CATSPER3: variants seen among roughly 807,000 people sequenced by gnomAD.
CATSPER3 encodes cation channel sperm associated 3.
CATSPER3 carries 23 observed loss-of-function variants against 36.6 expected under a neutral mutation model. The ratio of observed to expected loss-of-function variants is 0.63; its 90% CI spans 0.45 to 0.89. The LOEUF is 0.89. Ranked by LOEUF, CATSPER3 falls within the 40% of genes least tolerant of loss-of-function variation. The pLI, the probability that CATSPER3 is intolerant of heterozygous loss-of-function variation, is 0.00. For synonymous variants in CATSPER3, 172 were observed against 184.1 expected (o/e 0.93, Z 0.53); for missense variants, 474 against 503.9 (o/e 0.94, Z 0.57).
At chr5:134,973,120 T>G (rs2149545260) in intron 2 of CATSPER3, among the ~76,000 whole-genome samples, 1 of 152,340 alleles carries the variant, frequency 6.6e-6, no homozygotes, top group East Asian at 1.9e-4. Flanking sequence ...GAGCCCTTCC[T>G]TAGTAATTTA....
At chr5:134,984,474 A>G (rs1392473269) in intron 2 of CATSPER3, among the ~76,000 whole-genome samples, 2 of 152,220 alleles carry the variant, frequency 1.3e-5, no homozygotes, top group African/African-American at 4.8e-5. Flanking sequence ...ATAGACTTTT[A>G]TCAAAAGAAG....
intron 2 of CATSPER3, among the ~76,000 whole-genome samples, chr5:134,971,274 A>T (rs1248777775): frequency 6.6e-6 from 1 of 151,832 alleles, no homozygotes; most frequent in African/African-American, 2.4e-5. Flanking sequence ...AAAAAAAAAA[A>T]GTTGGGCATG....
At chr5:134,971,724 C>G (rs1307380462) in intron 2 of CATSPER3, among the ~76,000 whole-genome samples, 3 of 152,032 alleles carry the variant, frequency 2.0e-5, no homozygotes, top group Admixed American at 2.0e-4. Context: ...CAAAGCTGAC[C>G]AGCTAGAGGT....
At chr5:134,974,783 T>A (rs1751648398) in intron 2 of CATSPER3, among the ~76,000 whole-genome samples, 2 of 152,174 alleles carry the variant, frequency 1.3e-5, no homozygotes, top group African/African-American at 4.8e-5. Context: ...TGTGAACATG[T>A]TGGTATGGCA....
chr5:134,998,652 G>A (rs1209155599), intron 3 of CATSPER3, among the ~76,000 whole-genome samples: 1 of 152,142 alleles, frequency 6.6e-6, no homozygotes, highest in Non-Finnish European at 1.5e-5. Context: ...GTTTTGATTT[G>A]CATTTCTCTG....
At chr5:135,000,872 C>A (rs1013109584) in intron 3 of CATSPER3, among the ~76,000 whole-genome samples, 3 of 152,196 alleles carry the variant, frequency 2.0e-5, no homozygotes, top group African/African-American at 7.2e-5. Context: ...AAAAAACCAG[C>A]TCCTGGATTC....
intron 2 of CATSPER3, among the ~76,000 whole-genome samples, chr5:134,985,548 TC>T (rs1449800447): frequency 6.6e-6 from 1 of 151,972 alleles, no homozygotes; most frequent in Non-Finnish European, 1.5e-5. Flanking sequence ...TAATAGGTAG[TC>T]TAAAGTCCCA....
At chr5:135,005,453 A>T (rs1265039711) in intron 3 of CATSPER3, among the ~76,000 whole-genome samples, 1 of 152,058 alleles carries the variant, frequency 6.6e-6, no homozygotes, top group African/African-American at 2.4e-5. Flanking sequence ...TAGCCTTGGG[A>T]TGTCATGGGA....
Position 134,996,277 on chromosome 5 carries a change from C to T in CATSPER3, c.257C>T (p.Ser86Leu), listed in dbSNP as rs938076610. 1.2e-5 allele frequency: 19 copies of T among 1,614,110 alleles called. No individual in the cohort carries two copies. The highest frequency in any genetic ancestry group is 4.0e-5 in the African/African-American group (3 of 74,956). The change falls in exon 3 of 8, where the codon TCG (serine) becomes TTG (leucine). Residue 86 changes from serine (S) to leucine (L), a missense_variant. Coordinates refer to ENST00000282611, the MANE Select transcript of CATSPER3 (RefSeq NM_178019.3). The part of the protein sequence containing the change: ...RYRLFRLLEF[S>L]EIFFVSICTS... ...CAACCCTTGCTACCCCTGTAGTTCT[C>T]GGAGATCTTCTTTGTGTCCATCTGC...
At chr5:135,009,116 C>T (rs1752144132) in intron 5 of CATSPER3, 135 bp downstream of exon 5, 2 of 1,239,330 alleles carry the variant, frequency 1.6e-6, no homozygotes, top group Non-Finnish European at 2.4e-6. Context: ...GCCAGATGGA[C>T]CTGTCCCTCA....
At chr5:134,983,095 G>A (rs946729721) in intron 2 of CATSPER3, among the ~76,000 whole-genome samples, 4 of 152,140 alleles carry the variant, frequency 2.6e-5, no homozygotes, top group East Asian at 1.9e-4. Context: ...AAATGGCACA[G>A]TACAAAAAAA....
chr5:134,996,173 G>A, intron 2 of CATSPER3, 100 bp from the exon 3 acceptor site: 1 of 1,469,676 alleles, frequency 6.8e-7, no homozygotes, highest in South Asian at 1.1e-5. Context: ...TCATGTGGGT[G>A]ACTTAGGAGC....
At position 134,983,465 on chromosome 5, in the gene CATSPER3, C is replaced by T. The variant is rs531456017; in HGVS notation, c.253-12808C>T. On this transcript the variant is annotated intron_variant, in intron 2 of 7. Transcript: ENST00000282611. ...CATGAGAATTGCTAGAACTCGGTGGCGGAGGTTGCAGTGAGCTGAAATTGC... is the reference window on the plus strand; with the variant it reads ...CATGAGAATTGCTAGAACTCGGTGGTGGAGGTTGCAGTGAGCTGAAATTGC... 7.9e-5 allele frequency among the ~76,000 whole-genome samples: 12 copies of T among 152,078 alleles called. No individual in the cohort carries two copies. The East Asian group carries it at 1.2e-3, about 15-fold the overall frequency.
At chr5:134,984,329 T>C (rs1751783454) in intron 2 of CATSPER3, among the ~76,000 whole-genome samples, 1 of 152,106 alleles carries the variant, frequency 6.6e-6, no homozygotes, top group African/African-American at 2.4e-5. Flanking sequence ...TCAGAGTAAG[T>C]AGACAACATA....
At chr5:135,003,694 A>G (rs193000431) in intron 3 of CATSPER3, among the ~76,000 whole-genome samples, 2 of 152,326 alleles carry the variant, frequency 1.3e-5, no homozygotes, top group Non-Finnish European at 2.9e-5. Context: ...TTGCAGTTCA[A>G]TCTCAGACTG....
chr5:134,998,326 G>A (rs908591794), intron 3 of CATSPER3, among the ~76,000 whole-genome samples: 12 of 152,108 alleles, frequency 7.9e-5, no homozygotes, highest in African/African-American at 2.9e-4. Flanking sequence ...TCATTGATGG[G>A]CATTCGGGTT....
At chr5:135,009,773 A>G (rs991201402) in intron 6 of CATSPER3, among the ~76,000 whole-genome samples, 5 of 152,150 alleles carry the variant, frequency 3.3e-5, no homozygotes, top group African/African-American at 1.2e-4. Flanking sequence ...GGGCCAGGCA[A>G]TCTGTGCTGA....
intron 3 of CATSPER3, among the ~76,000 whole-genome samples, chr5:135,007,270 C>T (rs1752100409): frequency 6.6e-6 from 1 of 152,190 alleles, no homozygotes; most frequent in Admixed American, 6.5e-5. Flanking sequence ...ATGATAACAC[C>T]TACCTACCTT....
Position 134,989,088 on chromosome 5 carries a change from G to A in CATSPER3, c.253-7185G>A, listed in dbSNP as rs544458505. On this transcript the variant is annotated intron_variant, in intron 2 of 7. Transcript: ENST00000282611. ...TCAATGGGCAGTAACATTTTGAAAG[G>A]AATCTTTTTTTCTGAGCAATAGGTC... Among the ~76,000 whole-genome samples the A allele has an allele frequency of 3.9e-4, 60 of 152,256 alleles. 1 individual carries two copies. The highest frequency in any genetic ancestry group is 1.3e-3 in the African/African-American group (56 of 41,540).
Sources: gnomAD v4.1 joint callset for allele counts (sites outside exome capture counted in the v4.1 genomes callset) on GRCh38, gnomAD v4.1.1 for gene constraint, MANE v1.5 for transcripts, NCBI Gene and HGNC (gene_info 2026-07-23, HGNC 2026-07-21) for gene names.